CHD6: variants seen among roughly 807,000 people sequenced by gnomAD.
CHD6 encodes ATP-dependent chromatin remodeler CHD6.
CHD6 carries 50 observed loss-of-function variants against 276.9 expected under a neutral mutation model. The observed-to-expected ratio is 0.18, with a 90% CI of 0.14 to 0.23. The LOEUF (loss-of-function observed/expected upper bound fraction) is 0.23, where lower values mean the gene tolerates loss of function less well. Among genes scored for constraint, CHD6 ranks in the 10% least tolerant of loss-of-function variants. CHD6 has a pLI of 1.00. For missense variants in CHD6, 2,564 were observed against 3,365.8 expected (o/e 0.76, Z 5.89); for synonymous variants, 1,173 against 1,229.3 (o/e 0.95, Z 0.96).
In CHD6 at chr20:41,488,296, T is replaced by C. The variant is rs548297297; in HGVS notation, c.1857+132A>G. 191 of 844,854 alleles carry C rather than the reference T, an allele frequency of 2.3e-4. 1 individual carries two copies. The Middle Eastern group carries it at 2.8e-3, about 12-fold the overall frequency. The allele number at this position is 844,854 out of a possible 1,614,324, so 52.3% of individuals were successfully genotyped here. ...CTTAATTCCTATACTATTGCAGTTATAGAGACCAAAAAAGAAAATCTAATG... is the reference window on the plus strand; with the variant it reads ...CTTAATTCCTATACTATTGCAGTTACAGAGACCAAAAAAGAAAATCTAATG... On this transcript the variant is annotated intron_variant, in intron 13 of 36. Transcript: ENST00000373233.
intron 34 of CHD6, 90 bp downstream of exon 34, chr20:41,415,096 A>G (rs910022641): frequency 1.3e-5 from 20 of 1,498,738 alleles, no homozygotes; most frequent in Non-Finnish European, 1.7e-5. Flanking sequence ...GAGATAAAAG[A>G]TCCACAAATT....
chr20:41,430,849 CA>C (rs2047513893), intron 27 of CHD6, among the ~76,000 whole-genome samples: 1 of 147,890 alleles, frequency 6.8e-6, no homozygotes, highest in African/African-American at 2.5e-5. Flanking sequence ...AACAGCAGAA[CA>C]TGAATTTTTT....
At chr20:41,466,592 T>C (rs569120087) in intron 17 of CHD6, among the ~76,000 whole-genome samples, 1 of 152,186 alleles carries the variant, frequency 6.6e-6, no homozygotes, top group Non-Finnish European at 1.5e-5. Flanking sequence ...TGGTGAACAA[T>C]ATGGTTTATG....
chr20:41,522,440 G>A (rs2044423439), intron 3 of CHD6, among the ~76,000 whole-genome samples: 1 of 152,188 alleles, frequency 6.6e-6, no homozygotes, highest in African/African-American at 2.4e-5. Context: ...GCTAAATCTT[G>A]GGAGAAAGAT....
In CHD6 at chr20:41,423,806, G is replaced by C. The variant is rs186480815; in HGVS notation, c.4347-106C>G. 8 of 854,298 alleles carry C rather than the reference G, an allele frequency of 9.4e-6. No individual in the cohort carries two copies. In the Admixed American group the frequency reaches 1.7e-4, roughly 18 times the overall value. The allele number at this position is 854,298 out of a possible 1,614,324, so 52.9% of individuals were successfully genotyped here. A position where few individuals can be genotyped will look rare whatever the true frequency, so the allele number is the denominator to read the frequency against. ...GAGAGCCCATAAAGTCAAGAAAGGA[G>C]GCAGAGCTGGTTTGTCTCTTTTATT... On this transcript the variant is annotated intron_variant, in intron 29 of 36. Transcript: ENST00000373233.
chr20:41,423,626 T>C lies in CHD6; in HGVS notation c.4421A>G (p.Lys1474Arg). 6.2e-7 allele frequency: 1 copy of C among 1,614,230 alleles called. No homozygotes were observed. Among genetic ancestry groups the C allele is most frequent in the Non-Finnish European group, 8.5e-7 (1 of 1,180,020 alleles). ...SFGVVYDQEK[K>R]TFDWTQFRII... ...GCGGAACTGTGTCCAGTCAAAGGTTTTCTTTTCTTGATCGTAAACAACACC... is the reference window on the plus strand; with the variant it reads ...GCGGAACTGTGTCCAGTCAAAGGTTCTCTTTTCTTGATCGTAAACAACACC... The change falls in exon 30 of 37, where the codon AAA becomes AGA. Residue 1474 changes from lysine (K) to arginine (R), a missense_variant. Transcript: ENST00000373233.
chr20:41,420,338 A>C (rs560668743), intron 31 of CHD6, among the ~76,000 whole-genome samples, 170 bp downstream of exon 31: 1 of 152,322 alleles, frequency 6.6e-6, no homozygotes, highest in South Asian at 2.1e-4. Flanking sequence ...ACATGACCAC[A>C]GTTACTAAGC....
chr20:41,602,642 C>G (rs1164014361), intron 1 of CHD6, among the ~76,000 whole-genome samples: 1 of 152,144 alleles, frequency 6.6e-6, no homozygotes, highest in Non-Finnish European at 1.5e-5. Context: ...GGGTCATCAC[C>G]AGCATTTCTT....
intron 3 of CHD6, among the ~76,000 whole-genome samples, chr20:41,528,839 T>A (rs1338117657): frequency 6.6e-6 from 1 of 152,190 alleles, no homozygotes; most frequent in Non-Finnish European, 1.5e-5. Flanking sequence ...AGAACAGACA[T>A]GTTCAATAAT....
At chr20:41,522,991 C>T (rs2044441289) in intron 3 of CHD6, among the ~76,000 whole-genome samples, 1 of 152,060 alleles carries the variant, frequency 6.6e-6, no homozygotes, top group South Asian at 2.1e-4. Context: ...ATGAATCTTT[C>T]TTCCTAGGTC....
intron 1 of CHD6, 97 bp from the exon 2 acceptor site, chr20:41,551,457 C>A: frequency 1.6e-6 from 1 of 610,674 alleles, no homozygotes; most frequent in South Asian, 1.8e-5. Context: ...GGAAAACAAA[C>A]AGGGGATTAC....
intron 1 of CHD6, among the ~76,000 whole-genome samples, chr20:41,559,879 G>A (rs1012332173): frequency 7.3e-5 from 11 of 150,612 alleles, no homozygotes; most frequent in South Asian, 4.2e-4. Context: ...ACACACACAC[G>A]CACACATACA....
chr20:41,435,914 T>C (rs941352381), intron 27 of CHD6, among the ~76,000 whole-genome samples: 9 of 146,284 alleles, frequency 6.2e-5, no homozygotes, highest in East Asian at 2.1e-4. Flanking sequence ...AAAAGACAAA[T>C]AGATATATGG....
At position 41,539,189 on chromosome 20, in the gene CHD6, G is replaced by A. The variant is rs550633573; in HGVS notation, c.34-5619C>T. On this transcript the variant is annotated intron_variant, in intron 2 of 36. Coordinates refer to ENST00000373233, the MANE Select transcript of CHD6 (RefSeq NM_032221.5). ...CTCCCCACACACTGACTGAACATGCGTGCCCTGGATAGCTCTTCGCTTCTC... is the reference window on the plus strand; with the variant it reads ...CTCCCCACACACTGACTGAACATGCATGCCCTGGATAGCTCTTCGCTTCTC... Among the ~76,000 whole-genome samples the A allele has an allele frequency of 8.1e-4, 124 of 152,260 alleles. 1 individual carries two copies. Among genetic ancestry groups the A allele is most frequent in the African/African-American group, 2.7e-3 (112 of 41,544 alleles).
chr20:41,595,448 G>A (rs1241134312), intron 1 of CHD6, among the ~76,000 whole-genome samples: 1 of 152,120 alleles, frequency 6.6e-6, no homozygotes, highest in African/African-American at 2.4e-5. Context: ...TTCCCATGAG[G>A]GAAGCGGCCC....
chr20:41,481,481 T>C (rs117112659), intron 16 of CHD6, among the ~76,000 whole-genome samples: 663 of 152,202 alleles, frequency 4.4e-3, no homozygotes, highest in Non-Finnish European at 7.3e-3. Flanking sequence ...CTCTCATTAG[T>C]AATCACAATT....
chr20:41,414,220 T>G (rs1450797330), intron 34 of CHD6: 1 of 152,210 alleles, frequency 6.6e-6, no homozygotes, highest in African/African-American at 2.4e-5. Flanking sequence ...CCAAGCAATA[T>G]GGCTTAGCAG....
At chr20:41,481,581 T>C (rs745984915) in intron 16 of CHD6, among the ~76,000 whole-genome samples, 23 of 152,184 alleles carry the variant, frequency 1.5e-4, no homozygotes, top group Non-Finnish European at 3.2e-4. Context: ...AAAAAAGCAT[T>C]CTCATATGAT....
intron 2 of CHD6, among the ~76,000 whole-genome samples, chr20:41,549,810 G>A (rs2045117317): frequency 6.6e-6 from 1 of 152,042 alleles, no homozygotes; most frequent in Admixed American, 6.6e-5. Flanking sequence ...CTTCAGTAAT[G>A]TATTCTTTGA....
Sources: allele counts gnomAD v4.1 joint callset (sites outside exome capture counted in the v4.1 genomes callset), GRCh38; gene constraint gnomAD v4.1.1; transcripts MANE v1.5; gene names NCBI Gene and HGNC (gene_info 2026-07-23, HGNC 2026-07-21).